MECOM: variants seen among roughly 807,000 people sequenced by gnomAD.
MECOM encodes the protein histone-lysine N-methyltransferase MECOM.
MECOM carries 13 observed loss-of-function variants against 116.3 expected under a neutral mutation model. The ratio of observed to expected loss-of-function variants is 0.11; its 90% CI spans 0.07 to 0.18. The LOEUF is 0.18. Among genes scored for constraint, MECOM ranks in the 10% least tolerant of loss-of-function variants. The probability of loss-of-function intolerance (pLI) is 1.00; values close to 1 mark genes in which losing one functional copy is unlikely to be tolerated. For missense variants in MECOM, 1,299 were observed against 1,509.0 expected, an observed-to-expected ratio of 0.86 and a Z score of 2.31; for synonymous variants, 528 against 535.2, an observed-to-expected ratio of 0.99 and a Z score of 0.19.
intron 1 of MECOM, among the ~76,000 whole-genome samples, chr3:169,436,756 T>G (rs1010183814): frequency 3.9e-5 from 6 of 152,180 alleles, no homozygotes; most frequent in Non-Finnish European, 7.3e-5. Flanking sequence ...ATTGGATAAA[T>G]ATTCAATGTT....
intron 2 of MECOM, among the ~76,000 whole-genome samples, chr3:169,233,245 G>C (rs2149526827): frequency 6.6e-6 from 1 of 152,214 alleles, no homozygotes; most frequent in East Asian, 1.9e-4. Flanking sequence ...AGAGAATACA[G>C]AACATCATCC....
intron 1 of MECOM, among the ~76,000 whole-genome samples, chr3:169,403,998 A>G (rs1218048917): frequency 2.0e-5 from 3 of 152,188 alleles, no homozygotes; most frequent in Admixed American, 6.5e-5. Context: ...AAAAATTTAC[A>G]TATTTGGCTG....
chr3:169,447,417 G>GGA (rs1284558540), intron 1 of MECOM, among the ~76,000 whole-genome samples: 3 of 152,124 alleles, frequency 2.0e-5, no homozygotes, highest in Admixed American at 6.6e-5. Flanking sequence ...AAGAAGAGGT[G>GGA]GATGGTTATC....
chr3:169,649,409 CAAAAAA>C lies in MECOM; in HGVS notation c.37+13921_37+13926del, dbSNP rs71634436. 0.014 allele frequency among the ~76,000 whole-genome samples: 1,053 copies of C among 74,482 alleles called. 42 individuals carry two copies. In the East Asian group the frequency reaches 0.16, roughly 11 times the overall value. The allele number at this position is 74,482 out of a possible 152,430, so 48.9% of individuals were successfully genotyped here. ...GGGCGGCAAGAGCGAAACTCCATCTCAAAAAAAAAAAAAAAAAAAATAGGAAAACAA... is the reference window on the plus strand; with the variant it reads ...GGGCGGCAAGAGCGAAACTCCATCTCAAAAAAAAAAAAAATAGGAAAACAA... On this transcript the variant is annotated intron_variant, in intron 1 of 16. Transcript: ENST00000651503.
chr3:169,283,821 A>G (rs1354386191), intron 2 of MECOM, among the ~76,000 whole-genome samples: 2 of 152,232 alleles, frequency 1.3e-5, no homozygotes, highest in East Asian at 1.9e-4. Context: ...GTTCAAAATC[A>G]CCTGTATTTT....
intron 1 of MECOM, among the ~76,000 whole-genome samples, chr3:169,544,085 A>T (rs1017894983): frequency 6.6e-6 from 1 of 152,120 alleles, no homozygotes; most frequent in Admixed American, 6.5e-5. Flanking sequence ...ACGGGGTTTC[A>T]CCATGTTGGC....
chr3:169,585,542 A>T (rs1765681824), intron 1 of MECOM, among the ~76,000 whole-genome samples: 1 of 152,182 alleles, frequency 6.6e-6, no homozygotes, highest in South Asian at 2.1e-4. Flanking sequence ...CAACCCACCC[A>T]AAGTCCCTAA....
chr3:169,642,707 G>A (rs16854272), intron 1 of MECOM, among the ~76,000 whole-genome samples: 6,962 of 150,882 alleles, frequency 0.046, 181 homozygotes, highest in Middle Eastern at 0.072. Context: ...ATTTAGCCTG[G>A]CCAGAGTTTT....
intron 1 of MECOM, among the ~76,000 whole-genome samples, chr3:169,395,306 A>G (rs1734853609): frequency 6.6e-6 from 1 of 152,324 alleles, no homozygotes; most frequent in South Asian, 2.1e-4. Flanking sequence ...TTGAGTTGAA[A>G]ACATCAGCCA....
intron 2 of MECOM, among the ~76,000 whole-genome samples, chr3:169,264,653 G>A (rs1758039197): frequency 6.6e-6 from 1 of 151,910 alleles, no homozygotes; most frequent in African/African-American, 2.4e-5. Flanking sequence ...AATAATCAGG[G>A]GCCATTTCTC....
intron 2 of MECOM, among the ~76,000 whole-genome samples, chr3:169,144,544 T>C (rs947539635): frequency 6.6e-6 from 1 of 152,198 alleles, no homozygotes; most frequent in Non-Finnish European, 1.5e-5. Context: ...ACTGCCATCA[T>C]TAGGTATACT....
intron 7 of MECOM, among the ~76,000 whole-genome samples, chr3:169,120,215 A>C (rs568045105): frequency 6.6e-6 from 1 of 152,330 alleles, no homozygotes; most frequent in Admixed American, 6.5e-5. Context: ...GGATTAAAAG[A>C]AGCCCAGATT....
intron 2 of MECOM, among the ~76,000 whole-genome samples, chr3:169,340,594 GCA>G (rs1375253637): frequency 6.6e-6 from 1 of 151,968 alleles, no homozygotes; most frequent in Non-Finnish European, 1.5e-5. Context: ...GATCATCACC[GCA>G]CCAATATTAA....
chr3:169,514,474 T>C (rs548095453), intron 1 of MECOM, among the ~76,000 whole-genome samples: 2 of 152,302 alleles, frequency 1.3e-5, no homozygotes, highest in East Asian at 3.9e-4. Flanking sequence ...TGAGGATGTA[T>C]AATTAAGCAG....
At chr3:169,470,773 A>G (rs932289606) in intron 1 of MECOM, among the ~76,000 whole-genome samples, 2 of 152,168 alleles carry the variant, frequency 1.3e-5, no homozygotes, top group Non-Finnish European at 2.9e-5. Context: ...TCTATCATCT[A>G]GAAACCAAAC....
chr3:169,424,982 C>T (rs1740397348), intron 1 of MECOM, among the ~76,000 whole-genome samples: 1 of 151,892 alleles, frequency 6.6e-6, no homozygotes, highest in African/African-American at 2.4e-5. Flanking sequence ...TTATATACTA[C>T]AGAAACACTC....
At chr3:169,191,411 G>A (rs751040233) in intron 2 of MECOM, among the ~76,000 whole-genome samples, 1 of 151,998 alleles carries the variant, frequency 6.6e-6, no homozygotes, top group Non-Finnish European at 1.5e-5. Context: ...CTTCCCAGAT[G>A]AAGGCAGGTC....
intron 2 of MECOM, among the ~76,000 whole-genome samples, chr3:169,179,669 A>G (rs576811452): frequency 1.3e-5 from 2 of 152,362 alleles, no homozygotes; most frequent in South Asian, 2.1e-4. Flanking sequence ...ACTGACAAAT[A>G]TCTACACTTG....
At chr3:169,268,330 C>T (rs539883782) in intron 2 of MECOM, among the ~76,000 whole-genome samples, 1 of 152,262 alleles carries the variant, frequency 6.6e-6, no homozygotes, top group African/African-American at 2.4e-5. Context: ...TTCACTTGGT[C>T]TTCTTTGGAC....
Sources: gnomAD v4.1 joint callset for allele counts (sites outside exome capture counted in the v4.1 genomes callset) on GRCh38, gnomAD v4.1.1 for gene constraint, MANE v1.5 for transcripts, NCBI Gene and HGNC (gene_info 2026-07-23, HGNC 2026-07-21) for gene names.